NNAT: variants seen among roughly 807,000 people sequenced by gnomAD.
NNAT encodes the protein neuronatin.
In NNAT, 8 loss-of-function variants were observed where a neutral mutation model predicts 12.7. That is an observed-to-expected ratio of 0.63 (90% CI 0.37 to 1.14). NNAT has a LOEUF of 1.14. Among genes scored for constraint, NNAT ranks in the 50% most tolerant of loss-of-function variants. The pLI, the probability that NNAT is intolerant of heterozygous loss-of-function variation, is 0.01. For missense variants in NNAT, 94 were observed against 108.3 expected (o/e 0.87, Z 0.59); for synonymous variants, 52 against 48.5 (o/e 1.07, Z -0.30).
chr20:37,522,478 C>A (rs748958704), intron 2 of NNAT, 40 bp downstream of exon 2: 8 of 1,570,504 alleles, frequency 5.1e-6, no homozygotes, highest in Non-Finnish European at 7.0e-6. Context: ...TGCCGCCATG[C>A]AGCTCTCAGC....
At chr20:37,522,613 A>C in intron 2 of NNAT, 54 bp from the exon 3 acceptor site, 2 of 1,519,632 alleles carry the variant, frequency 1.3e-6, no homozygotes, top group Non-Finnish European at 1.8e-6. Flanking sequence ...GCAGCACCAC[A>C]GACATGCTGT....
In NNAT at chr20:37,521,281, G is replaced by A. The variant is rs771682980; in HGVS notation, c.-51G>A. 6 of 1,576,650 alleles carry A rather than the reference G, an allele frequency of 3.8e-6. No individual in the cohort carries two copies. The South Asian group carries it at 6.6e-5, about 17-fold the overall frequency. On this transcript the variant is annotated 5_prime_UTR_variant, in exon 1 of 3. Transcript: ENST00000649451. The surrounding 1 kb of genome is among the most constrained non-coding windows in gnomAD (Gnocchi z 4.5). ...CCCAACAGCGGACTCCGAGACCAGC[G>A]GATCTCGGCAAACCCTCTTTCTCGA... is the stretch of plus-strand genomic sequence containing the variant.
At chr20:37,522,209 A>T (rs2071609097) in intron 1 of NNAT, 149 bp from the exon 2 acceptor site, 2 of 404,454 alleles carry the variant, frequency 4.9e-6, no homozygotes, top group South Asian at 1.3e-4. Flanking sequence ...AAAAAAAATA[A>T]AAAAGAGGCA....
Position 37,521,599 on chromosome 20 carries a change from T to G in NNAT, c.72+196T>G. 1.7e-6 allele frequency: 1 copy of G among 580,132 alleles called. No homozygotes were observed. Among genetic ancestry groups the G allele is most frequent in the Admixed American group, 3.1e-5 (1 of 32,020 alleles). The allele number at this position is 580,132 out of a possible 1,614,324, so 35.9% of individuals were successfully genotyped here. A position where few individuals can be genotyped will look rare whatever the true frequency, so the allele number is the denominator to read the frequency against. On this transcript the variant is annotated intron_variant, in intron 1 of 2. Transcript: ENST00000649451. This position sits in a 1 kb window ranked among gnomAD's most constrained non-coding sequence, Gnocchi z 4.5. ...CCGTCCTCCTCGCGCTGACCCTCCCTAGTGCGCCCGCGCCTGCCAGGGAAC... is the reference window on the plus strand; with the variant it reads ...CCGTCCTCCTCGCGCTGACCCTCCCGAGTGCGCCCGCGCCTGCCAGGGAAC...
chr20:37,522,523 G>A, intron 2 of NNAT, 85 bp downstream of exon 2: 2 of 1,327,874 alleles, frequency 1.5e-6, no homozygotes, highest in Non-Finnish European at 2.1e-6. Flanking sequence ...CTGACTCGTG[G>A]ACAAGCTGCG....
In NNAT at chr20:37,522,984, G is replaced by A. The variant is rs954141729; in HGVS notation, c.*225G>A. On this transcript the variant is annotated 3_prime_UTR_variant, in exon 3 of 3. Coordinates refer to ENST00000649451, the MANE Select transcript of NNAT (RefSeq NM_005386.4). Reference sequence around the variant, plus strand: ...ACCCCTTTGCACCGGTCCCACTAAGGGGCAGGGTCGAGAGAGGAGGGGGGA... The same window carrying A: ...ACCCCTTTGCACCGGTCCCACTAAGAGGCAGGGTCGAGAGAGGAGGGGGGA... 1.2e-5 allele frequency: 6 copies of A among 491,776 alleles called. No individual in the cohort carries two copies. The highest frequency in any genetic ancestry group is 5.9e-5 in the African/African-American group (3 of 50,580). 30.5% of individuals were successfully genotyped at this position (491,776 alleles called of 1,614,324 possible).
rs143883420 is a variant in NNAT at position 37,521,527 on chromosome 20, C to T, written c.72+124C>T. 0.038 allele frequency: 38,032 copies of T among 996,852 alleles called. 930 individuals are homozygous for T. The highest frequency in any genetic ancestry group is 0.047 in the South Asian group (3,360 of 71,240). The allele number at this position is 996,852 out of a possible 1,614,324, so 61.8% of individuals were successfully genotyped here. A position where few individuals can be genotyped will look rare whatever the true frequency, so the allele number is the denominator to read the frequency against. ...TTCCGATTGCCGCGATCCTTGCCTGCCCAAGTGCCGCTGCCGGCACCGCGC... is the reference window on the plus strand; with the variant it reads ...TTCCGATTGCCGCGATCCTTGCCTGTCCAAGTGCCGCTGCCGGCACCGCGC... On this transcript the variant is annotated intron_variant, in intron 1 of 2. Transcript: ENST00000649451. This position sits in a 1 kb window ranked among gnomAD's most constrained non-coding sequence, Gnocchi z 4.5.
intron 1 of NNAT, among the ~76,000 whole-genome samples, 171 bp from the exon 2 acceptor site, chr20:37,522,187 A>AT (rs1321167841): frequency 0.012 from 204 of 16,836 alleles, 1 homozygote; most frequent in African/African-American, 0.027. Flanking sequence ...TTACAAAAAA[A>AT]AAAATAATAA....
chr20:37,522,291 T>TC, intron 1 of NNAT, 67 bp from the exon 2 acceptor site: 1 of 1,339,846 alleles, frequency 7.5e-7, no homozygotes, highest in South Asian at 1.2e-5. Context: ...CCCTAAAAGC[T>TC]CCCTTTGCAG....
At chr20:37,522,618 T>G (rs778741814) in intron 2 of NNAT, 49 bp from the exon 3 acceptor site, 94 of 1,541,930 alleles carry the variant, frequency 6.1e-5, no homozygotes, top group Non-Finnish European at 7.8e-5. Context: ...ACCACAGACA[T>G]GCTGTGGGTG....
chr20:37,522,598 G>GGGGGGGGGC, intron 2 of NNAT, 69 bp from the exon 3 acceptor site: 1 of 864,452 alleles, frequency 1.2e-6, no homozygotes, highest in Non-Finnish European at 1.7e-6. Context: ...GCGGGGGTGG[G>GGGGGGGGGC]CACGGCAGCA....
In NNAT at chr20:37,523,572, C is replaced by T. The variant is rs938376456; in HGVS notation, c.*813C>T. ...TTTAAGTGTGCATTAGTTGTGTCTC[C>T]CCAGCTAGATTGTAAGCTCCTGGAG... On this transcript the variant is annotated 3_prime_UTR_variant, in exon 3 of 3. Coordinates refer to ENST00000649451, the MANE Select transcript of NNAT (RefSeq NM_005386.4). The T allele has an allele frequency of 2.0e-5, 3 of 152,684 alleles. No individual in the cohort carries two copies. The highest frequency in any genetic ancestry group is 2.0e-4 in the Admixed American group (3 of 15,280). 9.5% of individuals were successfully genotyped at this position (152,684 alleles called of 1,614,324 possible). A position where few individuals can be genotyped will look rare whatever the true frequency, so the allele number is the denominator to read the frequency against.
At chr20:37,522,496 G>A (rs2071618991) in intron 2 of NNAT, 58 bp downstream of exon 2, 2 of 1,542,454 alleles carry the variant, frequency 1.3e-6, no homozygotes, top group Non-Finnish European at 1.8e-6. Flanking sequence ...AGCACAGTTG[G>A]AAAAGCTCCA....
intron 1 of NNAT, among the ~76,000 whole-genome samples, 177 bp from the exon 2 acceptor site, chr20:37,522,181 A>AC (rs58032954): frequency 0.022 from 5 of 230 alleles, no homozygotes; most frequent in African/African-American, 0.038. Flanking sequence ...ATTGCTTTAC[A>AC]AAAAAAAAAA....
chr20:37,522,483 C>G (rs1459476359), intron 2 of NNAT, 45 bp downstream of exon 2: 1 of 1,569,650 alleles, frequency 6.4e-7, no homozygotes, highest in East Asian at 2.2e-5. Context: ...CCATGCAGCT[C>G]TCAGCACAGT....
rs560845323 is a variant in NNAT at position 37,522,814 on chromosome 20, G to T, written c.*55G>T. ...ATCATCAGGTGCTCCTGTGCATCTC[G>T]GCCAGCACGGGAGCCAGTGCCGCGC... On this transcript the variant is annotated 3_prime_UTR_variant, in exon 3 of 3. Transcript: ENST00000649451. The T allele has an allele frequency of 6.8e-7, 1 of 1,476,252 alleles. No individual in the cohort carries two copies. The highest frequency in any genetic ancestry group is 9.2e-7 in the Non-Finnish European group (1 of 1,092,652). The allele number at this position is 1,476,252 out of a possible 1,614,324, so 91.4% of individuals were successfully genotyped here.
rs369692558 is a variant in NNAT at position 37,522,626 on chromosome 20, G to T, written c.154-41G>T. On this transcript the variant is annotated intron_variant, in intron 2 of 2. Transcript: ENST00000649451. ...CGGCAGCACCACAGACATGCTGTGG[G>T]TGCTCTCCACTAAGGGTGGGTCCTG... 50 of 1,562,774 alleles carry T rather than the reference G, an allele frequency of 3.2e-5. No homozygotes were observed. In the African/African-American group the frequency reaches 6.4e-4, roughly 20 times the overall value.
Position 37,522,932 on chromosome 20 carries a change from A to G in NNAT, c.*173A>G. ...GACCCCCGGAGAAGCAGTACCGACA[A>G]TGACGAAGATACCAGATCCCTTCCC... On this transcript the variant is annotated 3_prime_UTR_variant, in exon 3 of 3. Coordinates refer to ENST00000649451, the MANE Select transcript of NNAT (RefSeq NM_005386.4). The G allele has an allele frequency of 1.7e-6, 1 of 587,766 alleles. No homozygotes were observed. Among genetic ancestry groups the G allele is most frequent in the Non-Finnish European group, 3.0e-6 (1 of 332,926 alleles). 36.4% of individuals were successfully genotyped at this position (587,766 alleles called of 1,614,324 possible). A position where few individuals can be genotyped will look rare whatever the true frequency, so the allele number is the denominator to read the frequency against.
At position 37,521,620 on chromosome 20, in the gene NNAT, G is replaced by A. The variant is rs1271736456; in HGVS notation, c.72+217G>A. The A allele has an allele frequency of 3.5e-6, 2 of 563,888 alleles. No individual in the cohort carries two copies. Among genetic ancestry groups the A allele is most frequent in the Non-Finnish European group, 3.2e-6 (1 of 316,434 alleles). The allele number at this position is 563,888 out of a possible 1,614,324, so 34.9% of individuals were successfully genotyped here. The stretch of plus-strand genomic sequence containing the variant: ...TCCCTAGTGCGCCCGCGCCTGCCAG[G>A]GAACAAAGACTCGGGGCGCGGCGGG... On this transcript the variant is annotated intron_variant, in intron 1 of 2. Transcript: ENST00000649451. The surrounding 1 kb of genome is among the most constrained non-coding windows in gnomAD (Gnocchi z 4.5).
Sources: allele counts gnomAD v4.1 joint callset (sites outside exome capture counted in the v4.1 genomes callset), GRCh38; gene constraint gnomAD v4.1.1; non-coding constraint Gnocchi (gnomAD v3.1); transcripts MANE v1.5; gene names NCBI Gene and HGNC (gene_info 2026-07-23, HGNC 2026-07-21).